The following TMEM123 variants were observed in gnomAD, a reference collection of about 807,000 sequenced individuals.
TMEM123 encodes the protein transmembrane protein 123, also known as porimin.
In TMEM123, 16 loss-of-function variants were observed where a neutral mutation model predicts 19.7. The ratio of observed to expected loss-of-function variants is 0.81; its 90% confidence interval spans 0.55 to 1.23. The LOEUF is 1.23. Among genes scored for constraint, TMEM123 ranks in the 50% most tolerant of loss-of-function variants. The pLI is 0.00. For missense variants in TMEM123, 313 were observed against 257.8 expected (o/e 1.21, Z -1.47); for synonymous variants, 118 against 99.4 (o/e 1.19, Z -1.12).
intron 2 of TMEM123, among the ~76,000 whole-genome samples, chr11:102,438,810 C>A (rs527421853): frequency 6.6e-6 from 1 of 152,228 alleles, no homozygotes; most frequent in African/African-American, 2.4e-5. Flanking sequence ...CCGGGAAGCA[C>A]AAGGGGTTGG....
chr11:102,430,588 G>T (rs1324354573), intron 2 of TMEM123, among the ~76,000 whole-genome samples: 1 of 152,214 alleles, frequency 6.6e-6, no homozygotes. Context: ...TCTTCAGGTA[G>T]TGAGAACAGA....
intron 2 of TMEM123, among the ~76,000 whole-genome samples, chr11:102,407,431 G>A (rs1951965361): frequency 6.6e-6 from 1 of 152,220 alleles, no homozygotes; most frequent in Non-Finnish European, 1.5e-5. Context: ...GTGACATACA[G>A]TTGTCCATGC....
At chr11:102,441,416 A>C (rs1281638727) in intron 2 of TMEM123, among the ~76,000 whole-genome samples, 4 of 152,218 alleles carry the variant, frequency 2.6e-5, no homozygotes, top group East Asian at 3.8e-4. Context: ...ACTACATGGA[A>C]ACTGAACAAC....
intron 2 of TMEM123, among the ~76,000 whole-genome samples, chr11:102,445,482 A>G (rs577703922): frequency 6.6e-6 from 1 of 152,348 alleles, no homozygotes; most frequent in East Asian, 1.9e-4. Context: ...TGACTGACTT[A>G]CAAACTCACA....
intron 2 of TMEM123, among the ~76,000 whole-genome samples, chr11:102,435,629 AT>A (rs1479166860): frequency 1.3e-5 from 2 of 151,988 alleles, no homozygotes; most frequent in Non-Finnish European, 2.9e-5. Flanking sequence ...GTTTACACAA[AT>A]ATTCATAGAA....
chr11:102,421,868 TG>T (rs1952089919), intron 2 of TMEM123, among the ~76,000 whole-genome samples: 1 of 152,172 alleles, frequency 6.6e-6, no homozygotes, highest in Non-Finnish European at 1.5e-5. Context: ...AGAACATCAA[TG>T]GGAGATGGGT....
intron 2 of TMEM123, among the ~76,000 whole-genome samples, chr11:102,413,168 C>T (rs1952018443): frequency 1.3e-5 from 2 of 152,274 alleles, no homozygotes; most frequent in Admixed American, 6.5e-5. Flanking sequence ...GCAACTCATA[C>T]AAATGTTTCC....
intron 2 of TMEM123, 107 bp downstream of exon 2, chr11:102,448,705 G>C (rs567683728): frequency 1.3e-5 from 14 of 1,037,826 alleles, no homozygotes; most frequent in Middle Eastern, 4.9e-4. Flanking sequence ...GAAGAACTCA[G>C]GGTTAAAACA....
At chr11:102,412,557 TAAAGA>T (rs1952014227) in intron 2 of TMEM123, among the ~76,000 whole-genome samples, 1 of 150,918 alleles carries the variant, frequency 6.6e-6, no homozygotes, top group Non-Finnish European at 1.5e-5. Context: ...AAAGTAAGAG[TAAAGA>T]AAAGAAATTT....
chr11:102,418,771 G>A (rs773100651), intron 2 of TMEM123, among the ~76,000 whole-genome samples: 16 of 152,018 alleles, frequency 1.1e-4, no homozygotes, highest in East Asian at 1.9e-4. Flanking sequence ...CAACAGTGGC[G>A]GACTGGATAA....
At position 102,405,818 on chromosome 11, in the gene TMEM123, A is replaced by C. The variant is rs543603097; in HGVS notation, c.158-3612T>G. ...AATCCAAATGTGCTAAAGAAACAAA[A>C]AATTTTGTCAATTTCTATGTCAATT... On this transcript the variant is annotated intron_variant, in intron 2 of 4. Transcript: ENST00000398136. Among the ~76,000 whole-genome samples the C allele has an allele frequency of 2.0e-5, 3 of 152,334 alleles. No individual in the cohort carries two copies. The East Asian group carries it at 5.8e-4, about 29-fold the overall frequency.
intron 2 of TMEM123, among the ~76,000 whole-genome samples, chr11:102,413,749 G>C (rs1052533564): frequency 6.6e-6 from 1 of 152,148 alleles, no homozygotes; most frequent in Non-Finnish European, 1.5e-5. Flanking sequence ...CAACTTCAAA[G>C]CCCACACAGC....
chr11:102,438,960 G>A (rs987561282), intron 2 of TMEM123, among the ~76,000 whole-genome samples: 4 of 152,178 alleles, frequency 2.6e-5, no homozygotes, highest in Non-Finnish European at 4.4e-5. Flanking sequence ...TGGCTCAGAG[G>A]GTCCCACACC....
intron 2 of TMEM123, among the ~76,000 whole-genome samples, chr11:102,407,064 G>A (rs1042649505): frequency 6.6e-6 from 1 of 151,988 alleles, no homozygotes; most frequent in Non-Finnish European, 1.5e-5. Context: ...CCATCCAGAG[G>A]GCACCTGTGC....
At chr11:102,434,035 T>C (rs147128238) in intron 2 of TMEM123, among the ~76,000 whole-genome samples, 23 of 152,094 alleles carry the variant, frequency 1.5e-4, no homozygotes, top group African/African-American at 5.3e-4. Flanking sequence ...CTATTGTGAA[T>C]AGTGCTGTAA....
chr11:102,437,781 T>C (rs1591565258), intron 2 of TMEM123, among the ~76,000 whole-genome samples: 1 of 152,322 alleles, frequency 6.6e-6, no homozygotes, highest in Non-Finnish European at 1.5e-5. Context: ...TTTCTGACCT[T>C]GTCTGCTGGG....
At chr11:102,428,465 C>CT (rs111246802) in intron 2 of TMEM123, among the ~76,000 whole-genome samples, 262 of 142,414 alleles carry the variant, frequency 1.8e-3, no homozygotes, top group Admixed American at 3.1e-3. Flanking sequence ...CCACACCCAG[C>CT]TTTTTTTTTT....
intron 2 of TMEM123, among the ~76,000 whole-genome samples, chr11:102,426,018 C>T (rs1952123418): frequency 6.6e-6 from 1 of 152,102 alleles, no homozygotes; most frequent in Admixed American, 6.5e-5. Flanking sequence ...TTTTAAGCAC[C>T]TCATGGTGAT....
chr11:102,441,551 G>C (rs953781608), intron 2 of TMEM123, among the ~76,000 whole-genome samples: 18 of 152,178 alleles, frequency 1.2e-4, no homozygotes, highest in African/African-American at 4.1e-4. Context: ...GCAGTGTGTA[G>C]AGGGAAATTT....
Sources: allele counts gnomAD v4.1 joint callset (sites outside exome capture counted in the v4.1 genomes callset), GRCh38; gene constraint gnomAD v4.1.1; transcripts MANE v1.5; gene names NCBI Gene and HGNC (gene_info 2026-07-23, HGNC 2026-07-21).